The following CDH2 variants were observed in gnomAD, a reference collection of about 807,000 sequenced individuals.
The protein encoded by CDH2 is cadherin-2.
CDH2 carries 17 observed loss-of-function variants against 92.0 expected under a neutral mutation model. The observed-to-expected ratio is 0.18, with a 90% confidence interval of 0.13 to 0.28. The LOEUF (loss-of-function observed/expected upper bound fraction) is 0.28, where lower values mean the gene tolerates loss of function less well. Ranked by LOEUF, CDH2 falls within the 10% of genes least tolerant of loss-of-function variation. The pLI is 1.00. For missense variants in CDH2, 862 were observed against 1,133.1 expected (o/e 0.76, Z 3.44); for synonymous variants, 419 against 415.9 (o/e 1.01, Z -0.09).
At chr18:28,131,171 T>C (rs2015763136) in intron 2 of CDH2, among the ~76,000 whole-genome samples, 1 of 152,322 alleles carries the variant, frequency 6.6e-6, no homozygotes, top group Non-Finnish European at 1.5e-5. Flanking sequence ...ATTTGAAAGT[T>C]ATAATTCCCT....
At chr18:28,084,710 C>A (rs776446663) in intron 2 of CDH2, among the ~76,000 whole-genome samples, 1 of 152,136 alleles carries the variant, frequency 6.6e-6, no homozygotes, top group Non-Finnish European at 1.5e-5. Context: ...ATCCACCCAG[C>A]AAAATCCTAA....
chr18:27,957,376 A>C (rs1598986850), intron 15 of CDH2, among the ~76,000 whole-genome samples: 1 of 151,988 alleles, frequency 6.6e-6, no homozygotes, highest in Non-Finnish European at 1.5e-5. Flanking sequence ...CAGCCTCCAG[A>C]GTAGCTAGGA....
At chr18:27,981,819 G>A (rs1248629735) in intron 14 of CDH2, among the ~76,000 whole-genome samples, 1 of 152,106 alleles carries the variant, frequency 6.6e-6, no homozygotes, top group Non-Finnish European at 1.5e-5. Context: ...TACTGATACT[G>A]ATGCAAAACC....
rs181813606 is a variant in CDH2 at position 27,992,844 on chromosome 18, C to T, written c.1159-4G>A. 4.8e-5 allele frequency: 77 copies of T among 1,610,028 alleles called. No individual in the cohort carries two copies. Among genetic ancestry groups the T allele is most frequent in the Admixed American group, 8.4e-5 (5 of 59,838 alleles). ...TCTCAGGAACTTCACCATAAAACTGCGAGAAAGACAAACCTCAGTCAGAGG... is the reference window on the plus strand; with the variant it reads ...TCTCAGGAACTTCACCATAAAACTGTGAGAAAGACAAACCTCAGTCAGAGG... On this transcript the variant is annotated splice_region_variant and splice_polypyrimidine_tract_variant and intron_variant, in intron 8 of 15. Transcript: ENST00000269141.
chr18:28,064,338 C>T (rs926454070), intron 2 of CDH2, among the ~76,000 whole-genome samples: 5 of 152,018 alleles, frequency 3.3e-5, no homozygotes, highest in African/African-American at 2.4e-5. Flanking sequence ...CCCAGGCAGT[C>T]TCTCACCCTG....
chr18:28,024,954 T>C (rs2013510691), intron 2 of CDH2, among the ~76,000 whole-genome samples: 1 of 152,176 alleles, frequency 6.6e-6, no homozygotes, highest in African/African-American at 2.4e-5. Flanking sequence ...AATTTTCTGA[T>C]ACCACACTAA....
chr18:28,085,522 T>C (rs1228419), intron 2 of CDH2, among the ~76,000 whole-genome samples: 81,609 of 151,916 alleles, frequency 0.54, 22,671 homozygotes, highest in African/African-American at 0.68. Context: ...TCACCTTGTA[T>C]GGTTGCAACC....
At chr18:28,167,950 T>C (rs924323368) in intron 1 of CDH2, among the ~76,000 whole-genome samples, 1 of 152,050 alleles carries the variant, frequency 6.6e-6, no homozygotes, top group Non-Finnish European at 1.5e-5. Flanking sequence ...CCGAGAGCCA[T>C]AAAGAATGAA....
intron 2 of CDH2, among the ~76,000 whole-genome samples, chr18:28,032,780 C>T (rs1161015332): frequency 6.6e-6 from 1 of 152,010 alleles, no homozygotes; most frequent in African/African-American, 2.4e-5. Context: ...ATGCCCAAAG[C>T]TCTTTGGGGC....
intron 7 of CDH2, among the ~76,000 whole-genome samples, chr18:27,996,053 T>C (rs1008194402): frequency 1.6e-4 from 25 of 152,098 alleles, no homozygotes; most frequent in African/African-American, 5.8e-4. Context: ...GGATTCTGCT[T>C]GAAAACTTCT....
intron 2 of CDH2, among the ~76,000 whole-genome samples, chr18:28,117,159 A>G (rs1348618680): frequency 1.3e-5 from 2 of 152,168 alleles, no homozygotes; most frequent in African/African-American, 2.4e-5. Context: ...AGGGGATGCC[A>G]TGGCACACAA....
chr18:28,171,439 A>C (rs1452365719), intron 1 of CDH2, among the ~76,000 whole-genome samples: 1 of 152,134 alleles, frequency 6.6e-6, no homozygotes, highest in South Asian at 2.1e-4. Context: ...TAAGCCTAAA[A>C]ATAATTTTTA....
At chr18:28,125,774 TAAA>T (rs2015667475) in intron 2 of CDH2, among the ~76,000 whole-genome samples, 1 of 152,222 alleles carries the variant, frequency 6.6e-6, no homozygotes, top group Admixed American at 6.5e-5. Flanking sequence ...CAGTTTTCAA[TAAA>T]GAAACTGAAG....
chr18:28,165,507 A>C (rs1364678162), intron 1 of CDH2, among the ~76,000 whole-genome samples: 5 of 152,168 alleles, frequency 3.3e-5, no homozygotes, highest in Non-Finnish European at 5.9e-5. Flanking sequence ...GCACTTTTCT[A>C]AGTGATTTAT....
At chr18:28,162,859 T>C (rs1448663984) in intron 1 of CDH2, among the ~76,000 whole-genome samples, 3 of 152,162 alleles carry the variant, frequency 2.0e-5, no homozygotes, top group Non-Finnish European at 2.9e-5. Context: ...GTCTACCTAT[T>C]GCAGAGGATT....
intron 2 of CDH2, among the ~76,000 whole-genome samples, chr18:28,122,572 CT>C (rs1328649251): frequency 3.9e-5 from 6 of 152,060 alleles, no homozygotes; most frequent in Non-Finnish European, 5.9e-5. Flanking sequence ...GCTATGTAAT[CT>C]GAAAAATTCC....
intron 14 of CDH2, among the ~76,000 whole-genome samples, chr18:27,973,015 TC>T: frequency 6.6e-6 from 1 of 152,218 alleles, no homozygotes; most frequent in South Asian, 2.1e-4. Context: ...TATAGGCAGT[TC>T]AAAATGCAAA....
chr18:28,075,341 C>T (rs567361040), intron 2 of CDH2, among the ~76,000 whole-genome samples: 20 of 152,276 alleles, frequency 1.3e-4, no homozygotes, highest in Middle Eastern at 3.4e-3. Flanking sequence ...CGTGTCTGAG[C>T]TCCTAATAGA....
At chr18:27,935,631 G>T (rs1004641958) in intron 6 of CDH2, among the ~76,000 whole-genome samples, 1 of 151,896 alleles carries the variant, frequency 6.6e-6, no homozygotes, top group Non-Finnish European at 1.5e-5. Context: ...CTATGGTACT[G>T]CCTTGTGTAG....
Sources: allele counts gnomAD v4.1 joint callset (sites outside exome capture counted in the v4.1 genomes callset), GRCh38; gene constraint gnomAD v4.1.1; transcripts MANE v1.5; gene names NCBI Gene and HGNC (gene_info 2026-07-23, HGNC 2026-07-21).